The following LRP1B variants were observed in gnomAD, a reference collection of about 807,000 sequenced individuals.
The protein encoded by LRP1B is LDL receptor related protein 1B, also known as low-density lipoprotein receptor-related protein 1B.
LRP1B carries 217 observed loss-of-function variants against 556.6 expected under a neutral mutation model. That is an observed-to-expected ratio of 0.39 (90% CI 0.35 to 0.44). The LOEUF is 0.44. LRP1B is among the 20% of genes least tolerant of loss of function. The pLI is 1.00. For missense variants in LRP1B, 5,053 were observed against 5,620.8 expected, an observed-to-expected ratio of 0.90 and a Z score of 3.23; for synonymous variants, 2,047 against 1,865.8, an observed-to-expected ratio of 1.10 and a Z score of -2.50.
At chr2:141,201,064 A>G (rs546882725) in intron 6 of LRP1B, among the ~76,000 whole-genome samples, 1 of 152,294 alleles carries the variant, frequency 6.6e-6, no homozygotes, top group East Asian at 1.9e-4. Context: ...GTGTAGAAGG[A>G]CCTATATTAT....
intron 1 of LRP1B, among the ~76,000 whole-genome samples, chr2:142,014,076 C>T: frequency 6.6e-6 from 1 of 152,036 alleles, no homozygotes; most frequent in East Asian, 1.9e-4. Context: ...GCATATCTCC[C>T]CATATATACA....
chr2:142,082,508 C>T (rs1464780239), intron 1 of LRP1B, among the ~76,000 whole-genome samples: 1 of 152,170 alleles, frequency 6.6e-6, no homozygotes, highest in African/African-American at 2.4e-5. Context: ...CAGTGAGCAG[C>T]CACACTGGCT....
intron 3 of LRP1B, among the ~76,000 whole-genome samples, chr2:141,361,865 T>G (rs10496879): frequency 0.065 from 9,894 of 152,266 alleles, 450 homozygotes; most frequent in African/African-American, 0.12. Context: ...GCATTGTTCA[T>G]TTGTCACTTT....
chr2:140,844,668 T>A (rs1040612298), intron 29 of LRP1B, among the ~76,000 whole-genome samples: 2 of 152,176 alleles, frequency 1.3e-5, no homozygotes, highest in Non-Finnish European at 2.9e-5. Flanking sequence ...TCTCAGGAAG[T>A]TTAATTTTCC....
intron 32 of LRP1B, among the ~76,000 whole-genome samples, chr2:140,810,139 A>G (rs564438155): frequency 5.3e-5 from 8 of 152,328 alleles, no homozygotes; most frequent in African/African-American, 1.9e-4. Flanking sequence ...TAAAACTAAG[A>G]GTCTCGAGCG....
chr2:140,289,386 T>A (rs1683284416), intron 84 of LRP1B, among the ~76,000 whole-genome samples: 3 of 151,990 alleles, frequency 2.0e-5, no homozygotes, highest in African/African-American at 7.2e-5. Flanking sequence ...TTCAAAAAAC[T>A]TTTATACTGA....
At chr2:141,266,101 G>C (rs1684877586) in intron 3 of LRP1B, among the ~76,000 whole-genome samples, 1 of 152,156 alleles carries the variant, frequency 6.6e-6, no homozygotes. Flanking sequence ...GAGGCAGGCA[G>C]ATCACAAGGT....
chr2:140,927,045 C>A (rs1023487875), intron 20 of LRP1B, among the ~76,000 whole-genome samples: 2 of 152,172 alleles, frequency 1.3e-5, no homozygotes, highest in African/African-American at 4.8e-5. Context: ...GTGGCTCACA[C>A]CTGTACTTCC....
chr2:141,609,640 G>T (rs1380334563), intron 2 of LRP1B, among the ~76,000 whole-genome samples: 2 of 152,238 alleles, frequency 1.3e-5, no homozygotes, highest in Admixed American at 6.5e-5. Context: ...TTTAACAATT[G>T]ATTGTCATGA....
intron 53 of LRP1B, among the ~76,000 whole-genome samples, chr2:140,506,120 T>C (rs2104904516): frequency 6.6e-6 from 1 of 152,136 alleles, no homozygotes; most frequent in East Asian, 1.9e-4. Context: ...TGAATTATGT[T>C]TTTTTTACTC....
At chr2:140,415,754 T>C (rs941380283) in intron 66 of LRP1B, among the ~76,000 whole-genome samples, 13 of 151,966 alleles carry the variant, frequency 8.6e-5, no homozygotes, top group African/African-American at 2.9e-4. Flanking sequence ...ATGTTTCCCC[T>C]GGTTCTAGTC....
intron 41 of LRP1B, among the ~76,000 whole-genome samples, chr2:140,684,908 A>T (rs548210170): frequency 1.2e-4 from 18 of 152,280 alleles, no homozygotes; most frequent in African/African-American, 4.3e-4. Flanking sequence ...ATATTCTGTC[A>T]TCTTGATTAC....
rs1574020163 is a variant in LRP1B, at chr2:141,048,949, C to T, written c.1789+37G>A. On this transcript the variant is annotated intron_variant, in intron 11 of 90. Transcript: ENST00000389484. ...TTTATCCTTTTAAAGTGCTTCATCT[C>T]TGGGTAGTTTGATGTTAATGTCACA... 3 of 1,460,734 alleles carry T rather than the reference C, an allele frequency of 2.1e-6. No individual in the cohort carries two copies. In the East Asian group the frequency reaches 6.8e-5, roughly 33 times the overall value. The allele number at this position is 1,460,734 out of a possible 1,614,324, so 90.5% of individuals were successfully genotyped here.
In LRP1B at chr2:140,852,110, G is replaced by A. The variant is rs182999660; in HGVS notation, c.4580-327C>T. ...TGGGAGGCCAAGGCAGGCAGATCACGAGGTCAGGAGATTGGGACCATCCTG... is the reference window on the plus strand; with the variant it reads ...TGGGAGGCCAAGGCAGGCAGATCACAAGGTCAGGAGATTGGGACCATCCTG... On this transcript the variant is annotated intron_variant, in intron 27 of 90. Transcript: ENST00000389484. 4.6e-3 allele frequency among the ~76,000 whole-genome samples: 703 copies of A among 152,238 alleles called. 4 individuals carry two copies. The highest frequency in any genetic ancestry group is 0.02 in the Middle Eastern group (6 of 294).
At chr2:140,552,825 T>G (rs1433818278) in intron 43 of LRP1B, among the ~76,000 whole-genome samples, 1 of 152,156 alleles carries the variant, frequency 6.6e-6, no homozygotes, top group African/African-American at 2.4e-5. Flanking sequence ...TACTTATTCT[T>G]AAGTGTGTCG....
At chr2:140,619,529 C>T (rs1339904295) in intron 41 of LRP1B, among the ~76,000 whole-genome samples, 1 of 152,164 alleles carries the variant, frequency 6.6e-6, no homozygotes, top group Non-Finnish European at 1.5e-5. Flanking sequence ...AAACTGAAAA[C>T]TAATTTTTAA....
chr2:141,615,457 T>A (rs1688262130), intron 2 of LRP1B, among the ~76,000 whole-genome samples: 1 of 152,166 alleles, frequency 6.6e-6, no homozygotes. Flanking sequence ...ATGATCAATA[T>A]GAGTTAAGAA....
intron 35 of LRP1B, among the ~76,000 whole-genome samples, chr2:140,761,290 C>T (rs1688912039): frequency 1.3e-5 from 2 of 152,172 alleles, no homozygotes; most frequent in African/African-American, 4.8e-5. Context: ...CATCCGAGTT[C>T]ACCCTTTAGA....
intron 41 of LRP1B, among the ~76,000 whole-genome samples, chr2:140,652,693 A>G (rs1433198602): frequency 6.6e-6 from 1 of 152,076 alleles, no homozygotes; most frequent in Non-Finnish European, 1.5e-5. Flanking sequence ...TGTACAAAAG[A>G]AAGTTAACAA....
Sources: gnomAD v4.1 joint callset for allele counts (sites outside exome capture counted in the v4.1 genomes callset) on GRCh38, gnomAD v4.1.1 for gene constraint, MANE v1.5 for transcripts, NCBI Gene and HGNC (gene_info 2026-07-23, HGNC 2026-07-21) for gene names.